Variants in ZNRF1 observed in about 807,000 individuals in gnomAD.
ZNRF1 encodes the protein zinc and ring finger 1, also known as E3 ubiquitin-protein ligase ZNRF1.
Under a neutral mutation model 18.4 loss-of-function variants are expected in ZNRF1, and 3 were observed. The observed-to-expected ratio is 0.16, with a 90% CI of 0.07 to 0.42. The LOEUF is 0.42. Among genes scored for constraint, ZNRF1 ranks in the 10% least tolerant of loss-of-function variants. ZNRF1 has a pLI of 0.99. For synonymous variants in ZNRF1, 157 were observed against 144.2 expected, an observed-to-expected ratio of 1.09 and a Z score of -0.64; for missense variants, 310 against 329.8, an observed-to-expected ratio of 0.94 and a Z score of 0.47.
chr16:75,085,199 C>T (rs1344079885), intron 1 of ZNRF1, among the ~76,000 whole-genome samples: 2 of 152,174 alleles, frequency 1.3e-5, no homozygotes, highest in African/African-American at 4.8e-5. Flanking sequence ...TGAATCTCTG[C>T]CCCCACCCTA....
intron 1 of ZNRF1, among the ~76,000 whole-genome samples, chr16:75,038,772 C>G (rs916439790): frequency 6.6e-6 from 1 of 152,202 alleles, no homozygotes; most frequent in Non-Finnish European, 1.5e-5. Flanking sequence ...TTTCATACAA[C>G]ATGGCATTCC....
At chr16:75,038,335 T>G (rs2035400086) in intron 1 of ZNRF1, among the ~76,000 whole-genome samples, 1 of 152,144 alleles carries the variant, frequency 6.6e-6, no homozygotes, top group Non-Finnish European at 1.5e-5. Context: ...AGGCAAAGCC[T>G]TCTCTCTCTC....
At chr16:75,063,934 C>T (rs910923221) in intron 1 of ZNRF1, among the ~76,000 whole-genome samples, 3 of 152,184 alleles carry the variant, frequency 2.0e-5, no homozygotes, top group Admixed American at 6.5e-5. Flanking sequence ...GAATATGGAG[C>T]CAGTCTCCTG....
chr16:75,079,069 A>G (rs1392093603), intron 1 of ZNRF1, among the ~76,000 whole-genome samples: 1 of 152,206 alleles, frequency 6.6e-6, no homozygotes, highest in African/African-American at 2.4e-5. Context: ...CCAGAGGCAA[A>G]GAAAAGCAAT....
At chr16:75,024,381 GA>G (rs1479487805) in intron 1 of ZNRF1, among the ~76,000 whole-genome samples, 4 of 152,306 alleles carry the variant, frequency 2.6e-5, no homozygotes, top group Admixed American at 2.6e-4. Context: ...AGTCTATTGT[GA>G]GTGTTTATTA....
intron 1 of ZNRF1, among the ~76,000 whole-genome samples, chr16:75,073,477 C>T (rs1337250716): frequency 2.6e-5 from 4 of 152,034 alleles, no homozygotes; most frequent in South Asian, 2.1e-4. Context: ...CCCACCCCGC[C>T]GTAGCCAACC....
chr16:75,043,790 CTTTTTT>C (rs59324869), intron 1 of ZNRF1, among the ~76,000 whole-genome samples: 1 of 75,188 alleles, frequency 1.3e-5, no homozygotes, highest in African/African-American at 4.6e-5. Flanking sequence ...TTGCTTTGTA[CTTTTTT>C]TTTTTTTTTT....
At chr16:75,042,594 T>A (rs961885850) in intron 1 of ZNRF1, among the ~76,000 whole-genome samples, 1 of 152,134 alleles carries the variant, frequency 6.6e-6, no homozygotes, top group South Asian at 2.1e-4. Context: ...TTCTGTTCCA[T>A]TGATTTATGT....
At chr16:75,093,249 A>G (rs1022206373) in intron 1 of ZNRF1, among the ~76,000 whole-genome samples, 7 of 152,108 alleles carry the variant, frequency 4.6e-5, no homozygotes, top group Non-Finnish European at 8.8e-5. Flanking sequence ...GCCAGGCGTC[A>G]TGGCAGACAC....
chr16:75,018,243 T>G (rs1468900917), intron 1 of ZNRF1, among the ~76,000 whole-genome samples: 2 of 152,236 alleles, frequency 1.3e-5, no homozygotes, highest in East Asian at 3.8e-4. Context: ...GTTTTGGTCC[T>G]TACTGTTAAT....
At chr16:75,003,802 G>A (rs952951501) in intron 1 of ZNRF1, among the ~76,000 whole-genome samples, 4 of 152,150 alleles carry the variant, frequency 2.6e-5, no homozygotes, top group African/African-American at 9.7e-5. Flanking sequence ...TTATTCATCT[G>A]TAAAATGTAG....
chr16:75,023,511 C>T (rs1324244591), intron 1 of ZNRF1, among the ~76,000 whole-genome samples: 2 of 152,102 alleles, frequency 1.3e-5, no homozygotes, highest in African/African-American at 4.8e-5. Flanking sequence ...TGGCCAAACC[C>T]CGTCTCTACT....
chr16:75,095,472 C>T, intron 2 of ZNRF1: 1 of 1,001,232 alleles, frequency 1.0e-6, no homozygotes, highest in Non-Finnish European at 1.4e-6. Flanking sequence ...CGTCTCACAG[C>T]CCTCCCTAGC....
chr16:75,069,439 A>G (rs934768054), intron 1 of ZNRF1, among the ~76,000 whole-genome samples: 2 of 152,038 alleles, frequency 1.3e-5, no homozygotes, highest in African/African-American at 4.8e-5. Context: ...TTTGAGACAG[A>G]GTCTTGCTCT....
intron 1 of ZNRF1, among the ~76,000 whole-genome samples, chr16:75,071,412 T>C (rs566342240): frequency 6.6e-6 from 1 of 152,264 alleles, no homozygotes. Flanking sequence ...TGATGGCTCA[T>C]TCCCTCACGT....
At chr16:75,085,752 T>C (rs2036064567) in intron 1 of ZNRF1, among the ~76,000 whole-genome samples, 1 of 150,586 alleles carries the variant, frequency 6.6e-6, no homozygotes, top group South Asian at 2.1e-4. Context: ...TAGACAGATT[T>C]ATTGGTCAGT....
At chr16:75,080,972 G>T (rs1425581191) in intron 1 of ZNRF1, among the ~76,000 whole-genome samples, 2 of 152,130 alleles carry the variant, frequency 1.3e-5, no homozygotes, top group Non-Finnish European at 1.5e-5. Flanking sequence ...AGGAGTTCGA[G>T]ACCAGCCTGG....
At chr16:75,040,598 G>GTTTTTTTTTTTTTTTT (rs61513153) in intron 1 of ZNRF1, among the ~76,000 whole-genome samples, 1 of 46,386 alleles carries the variant, frequency 2.2e-5, no homozygotes, top group African/African-American at 7.9e-5. Context: ...TTTTTTGTGG[G>GTTTTTTTTTTTTTTTT]TTTTTTTTTT....
intron 1 of ZNRF1, among the ~76,000 whole-genome samples, chr16:75,063,585 A>G (rs1424379878): frequency 6.6e-6 from 1 of 152,126 alleles, no homozygotes; most frequent in Non-Finnish European, 1.5e-5. Context: ...ACCTTGATCT[A>G]CTCTTAAAAG....
Sources: gnomAD v4.1 joint callset for allele counts (sites outside exome capture counted in the v4.1 genomes callset) on GRCh38, gnomAD v4.1.1 for gene constraint, MANE v1.5 for transcripts, NCBI Gene and HGNC (gene_info 2026-07-23, HGNC 2026-07-21) for gene names.